The following ACOXL variants were observed in gnomAD, a reference collection of about 807,000 sequenced individuals.
ACOXL encodes the protein acyl-coenzyme A oxidase-like protein.
ACOXL carries 70 observed loss-of-function variants against 71.9 expected under a neutral mutation model. The ratio of observed to expected loss-of-function variants is 0.97; its 90% CI spans 0.80 to 1.19. The LOEUF (loss-of-function observed/expected upper bound fraction) is 1.19. Among genes scored for constraint, ACOXL ranks in the 50% most tolerant of loss-of-function variants. The probability of loss-of-function intolerance (pLI) is 0.00; values close to 1 mark genes in which losing one functional copy is unlikely to be tolerated. For missense variants in ACOXL, 703 were observed against 736.3 expected (o/e 0.95, Z 0.52); for synonymous variants, 253 against 281.6 (o/e 0.90, Z 1.02).
intron 13 of ACOXL, among the ~76,000 whole-genome samples, chr2:110,988,301 C>T (rs966859818): frequency 1.3e-5 from 2 of 152,038 alleles, no homozygotes; most frequent in African/African-American, 4.8e-5. Context: ...ATTAGCCAGG[C>T]GTGGTGGCAC....
intron 10 of ACOXL, among the ~76,000 whole-genome samples, chr2:110,842,345 A>G (rs748105403): frequency 6.6e-6 from 1 of 152,220 alleles, no homozygotes; most frequent in Non-Finnish European, 1.5e-5. Context: ...GACCTATGAA[A>G]GAAACTGCTC....
chr2:110,885,405 A>G (rs144519486), intron 10 of ACOXL, among the ~76,000 whole-genome samples: 15 of 152,192 alleles, frequency 9.9e-5, no homozygotes, highest in African/African-American at 3.4e-4. Context: ...CCTGTAATAC[A>G]CATTTTCATG....
At chr2:110,873,460 C>T (rs755453689) in intron 10 of ACOXL, among the ~76,000 whole-genome samples, 2 of 152,156 alleles carry the variant, frequency 1.3e-5, no homozygotes, top group Non-Finnish European at 2.9e-5. Context: ...GTTTGCTGAG[C>T]CTGCTCTTAC....
At chr2:110,886,983 TGA>T in intron 10 of ACOXL, 1 of 1,081,802 alleles carries the variant, frequency 9.2e-7, no homozygotes, top group Admixed American at 2.4e-5. Context: ...ACTTTTTATC[TGA>T]GAATGTTGTG....
intron 14 of ACOXL, among the ~76,000 whole-genome samples, chr2:111,020,685 C>T (rs2064709816): frequency 6.6e-6 from 1 of 152,214 alleles, no homozygotes; most frequent in African/African-American, 2.4e-5. Flanking sequence ...CTGCTGTGAA[C>T]AAGACAGTCT....
At chr2:110,795,943 GT>G (rs1183936004) in intron 5 of ACOXL, 1 of 151,994 alleles carries the variant, frequency 6.6e-6, no homozygotes, top group Non-Finnish European at 1.5e-5. Context: ...AGCTACCACT[GT>G]CTGATAGGGG....
intron 1 of ACOXL, among the ~76,000 whole-genome samples, chr2:110,745,210 C>T (rs1482351747): frequency 1.3e-5 from 2 of 152,234 alleles, no homozygotes; most frequent in African/African-American, 4.8e-5. Context: ...CCCTGACCTG[C>T]TCTCTTCCTG....
chr2:111,116,535 A>C (rs1313122649), intron 17 of ACOXL, among the ~76,000 whole-genome samples: 1 of 152,200 alleles, frequency 6.6e-6, no homozygotes, highest in Non-Finnish European at 1.5e-5. Flanking sequence ...GGACTGCTGC[A>C]AGGGAAACTG....
At chr2:110,963,857 GA>G (rs2061815380) in intron 12 of ACOXL, 1 of 1,222,884 alleles carries the variant, frequency 8.2e-7, no homozygotes, top group Non-Finnish European at 1.1e-6. Context: ...CTGAACAGGG[GA>G]TTACGTTATT....
intron 9 of ACOXL, among the ~76,000 whole-genome samples, chr2:110,836,331 A>G (rs1265354479): frequency 1.3e-5 from 2 of 152,176 alleles, no homozygotes; most frequent in Non-Finnish European, 2.9e-5. Context: ...CCTTGCTGCC[A>G]GCATCTCATG....
intron 16 of ACOXL, among the ~76,000 whole-genome samples, chr2:111,051,437 G>A (rs562428550): frequency 5.9e-5 from 9 of 152,252 alleles, no homozygotes; most frequent in African/African-American, 2.2e-4. Flanking sequence ...ATGAAAACTT[G>A]TTGGAGGCAA....
At position 110,846,636 on chromosome 2, in the gene ACOXL, T is replaced by TACACACACACACACAC. The variant is rs1452445738; in HGVS notation, c.788+5235_788+5236insACACACACACACACAC. On this transcript the variant is annotated intron_variant, in intron 10 of 17. Coordinates refer to ENST00000439055, the MANE Select transcript of ACOXL (RefSeq NM_001142807.4). ...CCGCATGTGAGCATGCAAGTATGCA[T>TACACACACACACACAC]ACACGCACACACACACACACACACA... Among the ~76,000 whole-genome samples, 212 of 44,884 alleles carry TACACACACACACACAC rather than the reference T, an allele frequency of 4.7e-3. 1 individual carries two copies. Among genetic ancestry groups the TACACACACACACACAC allele is most frequent in the Admixed American group, 0.031 (172 of 5,480 alleles). The allele number at this position is 44,884 out of a possible 152,430, so 29.4% of individuals were successfully genotyped here.
intron 9 of ACOXL, among the ~76,000 whole-genome samples, chr2:110,826,242 C>T (rs1258931757): frequency 6.6e-6 from 1 of 152,228 alleles, no homozygotes; most frequent in African/African-American, 2.4e-5. Flanking sequence ...CTTGTTCACA[C>T]ACCTTCGGCA....
At chr2:110,754,701 T>C (rs1679441972) in intron 1 of ACOXL, among the ~76,000 whole-genome samples, 1 of 152,258 alleles carries the variant, frequency 6.6e-6, no homozygotes, top group Non-Finnish European at 1.5e-5. Context: ...TTCCATTGTA[T>C]GGATGTGTCA....
chr2:110,750,566 A>G (rs1678795782), intron 1 of ACOXL, among the ~76,000 whole-genome samples: 1 of 149,150 alleles, frequency 6.7e-6, no homozygotes. Flanking sequence ...TTTTTCCACT[A>G]CTATATATAT....
At position 110,957,734 on chromosome 2, in the gene ACOXL, G is replaced by C. The variant is rs187775268; in HGVS notation, c.1059+24092G>C. Reference sequence around the variant, plus strand: ...GTTTTGAAATACAGCCACATTCTGAGATTGTGGGAGTTAGGACTTCAACAT... The same window carrying C: ...GTTTTGAAATACAGCCACATTCTGACATTGTGGGAGTTAGGACTTCAACAT... On this transcript the variant is annotated intron_variant, in intron 12 of 17. Transcript: ENST00000439055. 8.5e-5 allele frequency among the ~76,000 whole-genome samples: 13 copies of C among 152,282 alleles called. No individual in the cohort carries two copies. In the East Asian group the frequency reaches 2.5e-3, roughly 29 times the overall value.
At chr2:110,746,452 G>A (rs1247352139) in intron 1 of ACOXL, among the ~76,000 whole-genome samples, 1 of 151,956 alleles carries the variant, frequency 6.6e-6, no homozygotes, top group Non-Finnish European at 1.5e-5. Flanking sequence ...TGAGGGAATC[G>A]CCATGTCCAC....
At chr2:110,794,773 C>A (rs1685080735) in intron 5 of ACOXL, among the ~76,000 whole-genome samples, 1 of 151,824 alleles carries the variant, frequency 6.6e-6, no homozygotes, top group Admixed American at 6.6e-5. Context: ...CTTCCTTTTC[C>A]TTTCTTTTCC....
At chr2:111,050,393 T>C (rs1010545632) in intron 16 of ACOXL, among the ~76,000 whole-genome samples, 2 of 152,188 alleles carry the variant, frequency 1.3e-5, no homozygotes, top group Admixed American at 6.5e-5. Context: ...TAGAATGATA[T>C]AGATTCAGGC....
Sources: allele counts gnomAD v4.1 joint callset (sites outside exome capture counted in the v4.1 genomes callset), GRCh38; gene constraint gnomAD v4.1.1; transcripts MANE v1.5; gene names NCBI Gene and HGNC (gene_info 2026-07-23, HGNC 2026-07-21).